Variants in BCR observed in about 807,000 individuals in gnomAD.
BCR encodes the protein BCR activator of RhoGEF and GTPase, also known as breakpoint cluster region protein.
Under a neutral mutation model 138.6 loss-of-function variants are expected in BCR, and 58 were observed. The observed-to-expected ratio is 0.42, with a 90% CI of 0.34 to 0.52. The LOEUF (loss-of-function observed/expected upper bound fraction) is 0.52. Ranked by LOEUF, BCR falls within the 20% of genes least tolerant of loss-of-function variation. BCR has a pLI of 0.06. For missense variants in BCR, 1,599 were observed against 1,727.2 expected (o/e 0.93, Z 1.32); for synonymous variants, 786 against 730.1 (o/e 1.08, Z -1.23).
intron 1 of BCR, among the ~76,000 whole-genome samples, chr22:23,222,668 G>C (rs2072838721): frequency 6.6e-6 from 1 of 152,156 alleles, no homozygotes; most frequent in African/African-American, 2.4e-5. Flanking sequence ...GCATGCTGGT[G>C]AACAGACCAG....
intron 1 of BCR, among the ~76,000 whole-genome samples, chr22:23,198,763 G>A (rs1300186464): frequency 3.9e-5 from 6 of 152,174 alleles, no homozygotes; most frequent in East Asian, 3.9e-4. Context: ...GCATCTTGTC[G>A]TGGAGCAGTT....
At chr22:23,289,367 G>C in intron 12 of BCR, 150 bp from the exon 13 acceptor site, 1 of 650,846 alleles carries the variant, frequency 1.5e-6, no homozygotes, top group Non-Finnish European at 2.7e-6. Flanking sequence ...CTGCACTTGA[G>C]AGCCAAGTGC....
chr22:23,311,425 A>G (rs1368233385), intron 18 of BCR, among the ~76,000 whole-genome samples: 1 of 151,732 alleles, frequency 6.6e-6, no homozygotes, highest in African/African-American at 2.4e-5. Context: ...TGCTGACTTG[A>G]CATAGACAGG....
In BCR at chr22:23,261,449, A is replaced by G. The variant is rs200190160; in HGVS notation, c.1661A>G (p.Tyr554Cys). The part of the protein sequence containing the change: ...ETIFFKVPEL[Y>C]EIHKEFYDGL... ...ATCTTCTTCAAAGTGCCTGAGCTCT[A>G]CGAGATCCACAAGGAGTTCTATGAT... Residue 554 changes from tyrosine (Y) to cysteine (C), a missense_variant, in exon 4 of 23, where the codon TAC (tyrosine) becomes TGC (cysteine). Transcript: ENST00000305877. 13 of 1,613,622 alleles carry G rather than the reference A, an allele frequency of 8.1e-6. No individual in the cohort carries two copies. Among genetic ancestry groups the G allele is most frequent in the African/African-American group, 1.3e-5 (1 of 74,872 alleles).
chr22:23,206,401 T>C lies in BCR; in HGVS notation c.1279+24162T>C, dbSNP rs577970420. Among the ~76,000 whole-genome samples, 126 of 151,938 alleles carry C rather than the reference T, an allele frequency of 8.3e-4. 1 individual carries two copies. Among genetic ancestry groups the C allele is most frequent in the South Asian group, 7.7e-3 (37 of 4,802 alleles). On this transcript the variant is annotated intron_variant, in intron 1 of 22. Transcript: ENST00000305877. ...CATCCTGGCTTACACGGTGAAACCATGTCTCTACTAAAAATACAAAAAAAA... is the reference window on the plus strand; with the variant it reads ...CATCCTGGCTTACACGGTGAAACCACGTCTCTACTAAAAATACAAAAAAAA...
chr22:23,230,273 G>A (rs2146242516), intron 1 of BCR, among the ~76,000 whole-genome samples: 1 of 152,246 alleles, frequency 6.6e-6, no homozygotes, highest in Middle Eastern at 3.4e-3. Flanking sequence ...AGTGGGAAAG[G>A]CTGTAGTGTG....
intron 16 of BCR, among the ~76,000 whole-genome samples, chr22:23,308,911 T>G (rs865972002): frequency 6.6e-6 from 1 of 152,142 alleles, no homozygotes; most frequent in Non-Finnish European, 1.5e-5. Context: ...GATTTAGGGC[T>G]TGTTTCTGGG....
chr22:23,252,683 G>A (rs1030906402), intron 1 of BCR, among the ~76,000 whole-genome samples: 8 of 151,886 alleles, frequency 5.3e-5, no homozygotes, highest in Middle Eastern at 3.2e-3. Context: ...CACCCACCTC[G>A]GCCTCCCAAA....
Position 23,284,038 on chromosome 22 carries a change from G to A in BCR, c.2177G>A (p.Arg726His), listed in dbSNP as rs941810790. 2.5e-6 allele frequency: 4 copies of A among 1,608,156 alleles called. No homozygotes were observed. The highest frequency in any genetic ancestry group is 3.4e-5 in the Admixed American group (2 of 59,370). ...CTGGTGGAGGGGGCCCGCAAGCTGC[G>A]CCACGTCTTCCTGTTCACCGACCTG... ...VELVEGARKL[R>H]HVFLFTDLLL... The change falls in exon 9 of 23, where the codon CGC becomes CAC. Residue 726 changes from arginine (R) to histidine (H), a missense_variant. Physicochemically the swap from Arg to His is conservative, Grantham distance 29. Around this residue, in one of 4 missense-constraint regions of BCR, gnomAD observed 590 missense variants for 762.4 expected, o/e 0.77. Coordinates refer to ENST00000305877, the MANE Select transcript of BCR (RefSeq NM_004327.4).
chr22:23,216,541 T>A (rs924687868), intron 1 of BCR, among the ~76,000 whole-genome samples: 7 of 152,230 alleles, frequency 4.6e-5, no homozygotes, highest in African/African-American at 1.7e-4. Flanking sequence ...TTGTCATAAG[T>A]GGAAAAAGTG....
At chr22:23,188,933 C>G (rs1233745218) in intron 1 of BCR, among the ~76,000 whole-genome samples, 3 of 152,136 alleles carry the variant, frequency 2.0e-5, no homozygotes, top group African/African-American at 7.2e-5. Context: ...GTGGCACGAT[C>G]TAGGCTCACT....
intron 14 of BCR, among the ~76,000 whole-genome samples, chr22:23,292,021 C>G (rs910972478): frequency 6.6e-6 from 1 of 152,220 alleles, no homozygotes; most frequent in Non-Finnish European, 1.5e-5. Context: ...GCCTCGCCTC[C>G]CTCCCTTCCC....
chr22:23,305,613 A>T (rs67376222), intron 16 of BCR, among the ~76,000 whole-genome samples: 30,037 of 152,008 alleles, frequency 0.2, 3,217 homozygotes, highest in Non-Finnish European at 0.23. Flanking sequence ...CCACCCCACC[A>T]CTTCCCTGGG....
intron 22 of BCR, 50 bp from the exon 23 acceptor site, chr22:23,315,383 T>C (rs1216701411): frequency 2.6e-6 from 4 of 1,567,488 alleles, no homozygotes; most frequent in East Asian, 2.2e-5. Flanking sequence ...CACCAGCAGC[T>C]GTGAGCCCCG....
rs1269493906 is a variant in BCR at position 23,287,191 on chromosome 22, G to A, written c.2439G>A (p.Arg813=). ...ACAAGGGCAGCAAGGCTACGGAGAG[G>A]CTGAAGAAGAAGCTGTCGGAGCAGG... ...RANKGSKATE[R]LKKKLSEQES... Residue 813 remains arginine (R), a synonymous_variant, in exon 11 of 23, where the codon AGG becomes AGA. Coordinates refer to ENST00000305877, the MANE Select transcript of BCR (RefSeq NM_004327.4). 1 of 1,574,476 alleles carries A rather than the reference G, an allele frequency of 6.4e-7. No homozygotes were observed. The highest frequency in any genetic ancestry group is 2.3e-5 in the East Asian group (1 of 42,896).
At chr22:23,187,156 G>A (rs2072353998) in intron 1 of BCR, among the ~76,000 whole-genome samples, 1 of 152,112 alleles carries the variant, frequency 6.6e-6, no homozygotes, top group Non-Finnish European at 1.5e-5. Flanking sequence ...TAGCCCATGG[G>A]GTCAGGACTG....
At chr22:23,304,469 C>A (rs189434345) in intron 16 of BCR, among the ~76,000 whole-genome samples, 143 of 152,096 alleles carry the variant, frequency 9.4e-4, no homozygotes, top group African/African-American at 3.2e-3. Flanking sequence ...GTTTTTATTT[C>A]TGCATTTACT....
rs749193279 is a variant in BCR, at chr22:23,181,407, C to A, written c.447C>A (p.Ala149=). The change falls in exon 1 of 23, where the codon GCC becomes GCA. Residue 149 remains alanine, a synonymous_variant. Coordinates refer to ENST00000305877, the MANE Select transcript of BCR (RefSeq NM_004327.4). ...AACGGGACGACCGGGGACCCCCCGCCAGCGTGGCGGCGCTCAGGTCCAACT... is the reference window on the plus strand; with the variant it reads ...AACGGGACGACCGGGGACCCCCCGCAAGCGTGGCGGCGCTCAGGTCCAACT... ...SGERDDRGPP[A]SVAALRSNFE... 9 of 1,569,930 alleles carry A rather than the reference C, an allele frequency of 5.7e-6. No individual in the cohort carries two copies. Among genetic ancestry groups the A allele is most frequent in the Non-Finnish European group, 7.8e-6 (9 of 1,157,380 alleles).
intron 1 of BCR, among the ~76,000 whole-genome samples, chr22:23,239,082 C>T (rs570985677): frequency 2.6e-5 from 4 of 152,250 alleles, no homozygotes; most frequent in East Asian, 3.9e-4. Context: ...CCCAGCTTGT[C>T]GCTTTAGTAC....
Sources: allele counts gnomAD v4.1 joint callset (sites outside exome capture counted in the v4.1 genomes callset), GRCh38; gene constraint gnomAD v4.1.1; regional missense constraint gnomAD v4.1.1; transcripts MANE v1.5; gene names NCBI Gene and HGNC (gene_info 2026-07-23, HGNC 2026-07-21).